Variants in FSTL4 observed in about 807,000 individuals in gnomAD.
The protein encoded by FSTL4 is follistatin like 4.
FSTL4 carries 28 observed loss-of-function variants against 78.2 expected under a neutral mutation model. That is an observed-to-expected ratio of 0.36 (90% confidence interval 0.27 to 0.49). The LOEUF (loss-of-function observed/expected upper bound fraction) is 0.49. Ranked by LOEUF, FSTL4 falls within the 20% of genes least tolerant of loss-of-function variation. The probability of loss-of-function intolerance (pLI) is 0.98; values close to 1 mark genes in which losing one functional copy is unlikely to be tolerated. For missense variants in FSTL4, 922 were observed against 1,084.9 expected (o/e 0.85, Z 2.11); for synonymous variants, 422 against 440.5 (o/e 0.96, Z 0.53).
At chr5:133,383,681 T>C (rs1347898187) in intron 4 of FSTL4, among the ~76,000 whole-genome samples, 3 of 152,246 alleles carry the variant, frequency 2.0e-5, no homozygotes, top group East Asian at 3.9e-4. Context: ...GCGGGTCTCC[T>C]GCCGCAGCCT....
the FSTL4 span, among the ~76,000 whole-genome samples, chr5:133,618,176 C>G: frequency 6.6e-6 from 1 of 152,108 alleles, no homozygotes; most frequent in Admixed American, 6.5e-5. Context: ...AACAATAATT[C>G]ATAACATATA....
At position 133,249,490 on chromosome 5, in the gene FSTL4, C is replaced by A. The variant is rs151288928; in HGVS notation, c.814G>T (p.Val272Phe). ...ATTGGTGGCCTCAGGTCTCCATGGA[C>A]GGCGCAGGTCAGCACTGTGCTCAGC... ...VGLSTVLTCA[V>F]HGDLRPPIIW... Residue 272 changes from valine (V) to phenylalanine (F), a missense_variant, in exon 7 of 16, where the codon GTC becomes TTC. Physicochemically the swap from Val to Phe is conservative, Grantham distance 50. Transcript: ENST00000265342. The A allele has an allele frequency of 2.9e-5, 47 of 1,613,262 alleles. No individual in the cohort carries two copies. The highest frequency in any genetic ancestry group is 3.8e-5 in the Non-Finnish European group (45 of 1,179,420).
intron 4 of FSTL4, among the ~76,000 whole-genome samples, chr5:133,378,395 T>A (rs1426551082): frequency 1.3e-5 from 2 of 152,196 alleles, no homozygotes; most frequent in Admixed American, 6.5e-5. Flanking sequence ...TGCAAAACTG[T>A]ATTGGAGTAA....
the FSTL4 span, among the ~76,000 whole-genome samples, chr5:133,773,272 A>C: frequency 6.6e-6 from 1 of 151,500 alleles, no homozygotes; most frequent in East Asian, 1.9e-4. Flanking sequence ...AAAAAAAAAA[A>C]GTTGAGAAAG....
intron 8 of FSTL4, among the ~76,000 whole-genome samples, chr5:133,228,187 G>A (rs575873110): frequency 1.3e-5 from 2 of 152,174 alleles, no homozygotes; most frequent in Non-Finnish European, 2.9e-5. Context: ...TGATTGTGCC[G>A]CTGCACTCCA....
chr5:133,812,822 A>C, the FSTL4 span, among the ~76,000 whole-genome samples: 1 of 152,252 alleles, frequency 6.6e-6, no homozygotes, highest in African/African-American at 2.4e-5. Context: ...GTGCTCAGGA[A>C]AGTGCCTAGC....
intron 6 of FSTL4, among the ~76,000 whole-genome samples, chr5:133,259,314 C>A (rs1481022350): frequency 6.6e-6 from 1 of 151,764 alleles, no homozygotes; most frequent in Non-Finnish European, 1.5e-5. Context: ...ACAGCCCATA[C>A]AAAGGTCTTG....
chr5:133,514,182 GATAATAATAATAATA>G (rs10671234), intron 3 of FSTL4, among the ~76,000 whole-genome samples: 5 of 116,644 alleles, frequency 4.3e-5, no homozygotes, highest in Admixed American at 8.2e-5. Context: ...CCGTCTCAAT[GATAATAATAATAATA>G]ATAATAATAA....
intron 11 of FSTL4, among the ~76,000 whole-genome samples, chr5:133,223,120 ACAC>A (rs1410059088): frequency 6.6e-6 from 1 of 152,098 alleles, no homozygotes; most frequent in Non-Finnish European, 1.5e-5. Context: ...CCTAAGGAAA[ACAC>A]CACCTCTTAA....
chr5:133,355,101 C>T (rs997413487), intron 4 of FSTL4, among the ~76,000 whole-genome samples: 6 of 152,144 alleles, frequency 3.9e-5, no homozygotes, highest in South Asian at 2.1e-4. Context: ...TTAAAAGAGG[C>T]GTAGCATCCT....
At chr5:133,491,556 C>T (rs1163491361) in intron 3 of FSTL4, among the ~76,000 whole-genome samples, 9 of 151,552 alleles carry the variant, frequency 5.9e-5, no homozygotes, top group Admixed American at 3.3e-4. Flanking sequence ...CCCGCCACCA[C>T]GCCTGGCTAA....
Position 133,417,849 on chromosome 5 carries a change from C to T in FSTL4, c.161-16863G>A, listed in dbSNP as rs190479331. Among the ~76,000 whole-genome samples, 42 of 149,660 alleles carry T rather than the reference C, an allele frequency of 2.8e-4. 1 individual carries two copies. Among genetic ancestry groups the T allele is most frequent in the Admixed American group, 2.5e-3 (38 of 14,958 alleles). On this transcript the variant is annotated intron_variant, in intron 3 of 15. Coordinates refer to ENST00000265342, the MANE Select transcript of FSTL4 (RefSeq NM_015082.2). ...TGGTGCACAACTGTAATCCCAGCTA[C>T]TAGGGTGGCTGAGGCAGAAGAATCT...
chr5:133,832,823 C>T, the FSTL4 span, among the ~76,000 whole-genome samples: 1 of 152,256 alleles, frequency 6.6e-6, no homozygotes, highest in Non-Finnish European at 1.5e-5. Flanking sequence ...CCACTGTCAC[C>T]AACTATCCAA....
chr5:133,433,910 T>C (rs1310880112), intron 3 of FSTL4, among the ~76,000 whole-genome samples: 4 of 149,784 alleles, frequency 2.7e-5, no homozygotes, highest in Non-Finnish European at 5.9e-5. Context: ...TGAGGTCAGA[T>C]AGGGAGGCAG....
the FSTL4 span, among the ~76,000 whole-genome samples, chr5:133,737,755 C>A: frequency 6.6e-6 from 1 of 152,052 alleles, no homozygotes; most frequent in African/African-American, 2.4e-5. Context: ...CAAGTGACTG[C>A]CACTGTGCCC....
At chr5:133,263,804 A>C (rs1752587270) in intron 6 of FSTL4, among the ~76,000 whole-genome samples, 1 of 152,174 alleles carries the variant, frequency 6.6e-6, no homozygotes, top group South Asian at 2.1e-4. Flanking sequence ...GTATGCTACA[A>C]GAGAGAGAAG....
chr5:133,349,737 G>A lies in FSTL4; in HGVS notation c.410-33085C>T, dbSNP rs7718589. ...CTTTATGTTTGTCATGCTGCCATGC[G>A]ACTGTAAAGGACCCAAAGGATGGAC... is the stretch of plus-strand genomic sequence containing the variant. On this transcript the variant is annotated intron_variant, in intron 4 of 15. Coordinates refer to ENST00000265342, the MANE Select transcript of FSTL4 (RefSeq NM_015082.2). Among the ~76,000 whole-genome samples, 203 of 143,070 alleles carry A rather than the reference G, an allele frequency of 1.4e-3. 4 individuals are homozygous for A. The highest frequency in any genetic ancestry group is 5.4e-3 in the African/African-American group (200 of 37,190). The allele number at this position is 143,070 out of a possible 152,430, so 93.9% of individuals were successfully genotyped here. A position where few individuals can be genotyped will look rare whatever the true frequency, so the allele number is the denominator to read the frequency against.
chr5:133,531,833 C>G (rs1759259521), intron 3 of FSTL4, among the ~76,000 whole-genome samples: 1 of 152,220 alleles, frequency 6.6e-6, no homozygotes, highest in East Asian at 1.9e-4. Flanking sequence ...TGGCATCCAT[C>G]CCCGTAGGAC....
intron 11 of FSTL4, among the ~76,000 whole-genome samples, chr5:133,221,908 T>TTTTG (rs1561626772): frequency 4.4e-5 from 5 of 113,276 alleles, no homozygotes; most frequent in African/African-American, 2.2e-4. Flanking sequence ...TTTTTTTTTT[T>TTTTG]TTTTTTTTTT....
Sources: gnomAD v4.1 joint callset for allele counts (sites outside exome capture counted in the v4.1 genomes callset) on GRCh38, gnomAD v4.1.1 for gene constraint, MANE v1.5 for transcripts, NCBI Gene and HGNC (gene_info 2026-07-23, HGNC 2026-07-21) for gene names.